Variants in TAC4 observed in about 807,000 individuals in gnomAD.
TAC4 encodes the protein tachykinin-4.
In TAC4, 17 loss-of-function variants were observed where a neutral mutation model predicts 17.7. The observed-to-expected ratio is 0.96, with a 90% CI of 0.66 to 1.44. The LOEUF (loss-of-function observed/expected upper bound fraction) is 1.44, where lower values mean the gene tolerates loss of function less well. Among genes scored for constraint, TAC4 ranks in the 40% most tolerant of loss-of-function variants. The pLI, the probability that TAC4 is intolerant of heterozygous loss-of-function variation, is 0.00. For synonymous variants in TAC4, 62 were observed against 52.4 expected (o/e 1.18, Z -0.79); for missense variants, 118 against 125.6 (o/e 0.94, Z 0.29).
In TAC4 at chr17:49,841,535, G is replaced by C; in HGVS notation, c.232+17C>G. ...TCCCTAGGGGGCATGTTGAAGGCAGGTTTGGGCAATACTTACCTTTTTTTC... is the reference window on the plus strand; with the variant it reads ...TCCCTAGGGGGCATGTTGAAGGCAGCTTTGGGCAATACTTACCTTTTTTTC... On this transcript the variant is annotated intron_variant, in intron 3 of 4. Coordinates refer to ENST00000436235, the MANE Select transcript of TAC4 (RefSeq NM_001077506.2). 1 of 1,573,496 alleles carries C rather than the reference G, an allele frequency of 6.4e-7. No individual in the cohort carries two copies.
intron 1 of TAC4, 102 bp downstream of exon 1, chr17:49,847,811 T>C (rs924960753): frequency 6.3e-7 from 1 of 1,596,734 alleles, no homozygotes; most frequent in African/African-American, 1.3e-5. Context: ...GACTGCCTGC[T>C]CTCCCAGCAG....
intron 2 of TAC4, among the ~76,000 whole-genome samples, chr17:49,842,158 C>T (rs2074503453): frequency 6.6e-6 from 1 of 151,686 alleles, no homozygotes; most frequent in African/African-American, 2.4e-5. Context: ...CCCACCTCAG[C>T]CTCATAGTAG....
chr17:49,846,558 T>A (rs2074542118), intron 1 of TAC4, among the ~76,000 whole-genome samples: 1 of 152,182 alleles, frequency 6.6e-6, no homozygotes. Flanking sequence ...ATTACAGGCA[T>A]GAGACTCCAC....
intron 2 of TAC4, among the ~76,000 whole-genome samples, chr17:49,842,455 G>A (rs1448600366): frequency 6.6e-6 from 1 of 151,794 alleles, no homozygotes; most frequent in Non-Finnish European, 1.5e-5. Flanking sequence ...GCTTGAACCC[G>A]GGAGGCAGAG....
intron 3 of TAC4, among the ~76,000 whole-genome samples, chr17:49,840,212 C>T (rs183064659): frequency 5.9e-5 from 9 of 152,330 alleles, no homozygotes; most frequent in African/African-American, 2.2e-4. Flanking sequence ...GATACAGAGG[C>T]GACAGCAGAC....
intron 1 of TAC4, chr17:49,846,801 C>T (rs1444564634): frequency 4.3e-6 from 2 of 462,904 alleles, no homozygotes; most frequent in Non-Finnish European, 7.2e-6. Flanking sequence ...CATGGGGCTG[C>T]GTAGTGAGGC....
At chr17:49,847,371 A>G (rs1241107629) in intron 1 of TAC4, 2 of 826,644 alleles carry the variant, frequency 2.4e-6, no homozygotes, top group Non-Finnish European at 3.3e-6. Context: ...GGTCATTTCT[A>G]CATGTGAGAC....
intron 1 of TAC4, 33 bp downstream of exon 1, chr17:49,847,880 T>A: frequency 6.2e-7 from 1 of 1,613,798 alleles, no homozygotes; most frequent in Non-Finnish European, 8.5e-7. Context: ...CGTCAGAGCC[T>A]CTCCCCAAAA....
At chr17:49,841,613 C>T (rs773861939) in intron 2 of TAC4, 29 bp from the exon 3 acceptor site, 58 of 1,536,078 alleles carry the variant, frequency 3.8e-5, no homozygotes, top group Admixed American at 2.3e-4. Flanking sequence ...ATGAGGACTA[C>T]GGACTGCACT....
intron 4 of TAC4, among the ~76,000 whole-genome samples, chr17:49,839,507 C>T (rs570083428): frequency 6.6e-6 from 1 of 152,276 alleles, no homozygotes; most frequent in East Asian, 1.9e-4. Context: ...TAACGATCAA[C>T]GATTAGAGCT....
At chr17:49,847,269 C>T (rs1227280093) in intron 1 of TAC4, 2 of 1,288,042 alleles carry the variant, frequency 1.6e-6, no homozygotes, top group Non-Finnish European at 2.0e-6. Flanking sequence ...TTGTTGGTAT[C>T]TGTCCCTTGT....
intron 1 of TAC4, chr17:49,845,860 C>A: frequency 5.5e-6 from 1 of 182,388 alleles, no homozygotes; most frequent in Non-Finnish European, 1.1e-5. Flanking sequence ...ACTCACTTCC[C>A]ATCTGCTTCC....
Position 49,842,454 on chromosome 17 carries a change from C to T in TAC4, c.200-870G>A, listed in dbSNP as rs139186373. Among the ~76,000 whole-genome samples the T allele has an allele frequency of 9.3e-3, 1,406 of 151,672 alleles. 11 individuals are homozygous for T. The highest frequency in any genetic ancestry group is 0.015 in the African/African-American group (611 of 41,366). On this transcript the variant is annotated intron_variant, in intron 2 of 4. Transcript: ENST00000436235. ...CTGAGGCAGGAGAATTGCTTGAACC[C>T]GGGAGGCAGAGGTTGTAGTGAGCTG...
chr17:49,845,205 G>A (rs62076793), intron 1 of TAC4, among the ~76,000 whole-genome samples: 27,782 of 152,180 alleles, frequency 0.18, 2,932 homozygotes, highest in East Asian at 0.48. Context: ...TGGGCCTCCC[G>A]GAAGGAAGTG....
intron 1 of TAC4, chr17:49,846,226 C>T (rs550020137): frequency 1.6e-6 from 2 of 1,289,194 alleles, no homozygotes; most frequent in South Asian, 2.5e-5. Flanking sequence ...TTGGGGGAGC[C>T]CCGAGAGCAA....
At chr17:49,847,682 C>CACAG in intron 1 of TAC4, 1 of 531,214 alleles carries the variant, frequency 1.9e-6, no homozygotes. Flanking sequence ...CACACACACA[C>CACAG]ACACACACAG....
chr17:49,839,905 A>G lies in TAC4; in HGVS notation c.237T>C (p.Tyr79=). The change falls in exon 4 of 5, where the codon TAT becomes TAC. Residue 79 remains tyrosine, a synonymous_variant. Coordinates refer to ENST00000436235, the MANE Select transcript of TAC4 (RefSeq NM_001077506.2). Reference sequence around the variant, plus strand: ...GGCCCTGGAACGTGTGTTCCAGCTGATATGCTGGTGGTGGGAGAGAGAAGT... The same window carrying G: ...GGCCCTGGAACGTGTGTTCCAGCTGGTATGCTGGTGGTGGGAGAGAGAAGT... ...PLIQPRRKKA[Y]QLEHTFQGLL... is the part of the protein sequence containing the mutation. 2 of 1,611,650 alleles carry G rather than the reference A, an allele frequency of 1.2e-6. No homozygotes were observed. The highest frequency in any genetic ancestry group is 1.1e-5 in the South Asian group (1 of 90,250).
chr17:49,847,704 C>CACAG, intron 1 of TAC4: 2 of 639,926 alleles, frequency 3.1e-6, no homozygotes, highest in Non-Finnish European at 5.4e-6. Context: ...CACACACACA[C>CACAG]ACACACACAC....
intron 3 of TAC4, among the ~76,000 whole-genome samples, chr17:49,840,887 CTTTTTTT>C (rs778120935): frequency 5.0e-5 from 4 of 79,556 alleles, no homozygotes; most frequent in Admixed American, 1.7e-4. Context: ...TAGATTTGTA[CTTTTTTT>C]TTTTTTTTTT....
Sources: gnomAD v4.1 joint callset for allele counts (sites outside exome capture counted in the v4.1 genomes callset) on GRCh38, gnomAD v4.1.1 for gene constraint, MANE v1.5 for transcripts, NCBI Gene and HGNC (gene_info 2026-07-23, HGNC 2026-07-21) for gene names.